Variants in PITPNC1 observed in about 807,000 individuals in gnomAD.
PITPNC1 encodes the protein cytoplasmic phosphatidylinositol transfer protein 1.
In PITPNC1, 18 loss-of-function variants were observed where a neutral mutation model predicts 44.7. The observed-to-expected ratio is 0.40, with a 90% CI of 0.28 to 0.60. The LOEUF (loss-of-function observed/expected upper bound fraction) is 0.60. Ranked by LOEUF, PITPNC1 falls within the 20% of genes least tolerant of loss-of-function variation. PITPNC1 has a pLI of 0.39. For synonymous variants in PITPNC1, 141 were observed against 149.6 expected, an observed-to-expected ratio of 0.94 and a Z score of 0.42; for missense variants, 290 against 418.4, an observed-to-expected ratio of 0.69 and a Z score of 2.68.
At chr17:67,484,691 A>T (rs1255051920) in intron 1 of PITPNC1, among the ~76,000 whole-genome samples, 3 of 152,188 alleles carry the variant, frequency 2.0e-5, no homozygotes, top group Non-Finnish European at 2.9e-5. Flanking sequence ...TAATCTCAGC[A>T]CTTTGGGAGG....
chr17:67,652,793 C>G (rs577932210), intron 6 of PITPNC1, among the ~76,000 whole-genome samples: 1 of 152,152 alleles, frequency 6.6e-6, no homozygotes, highest in Non-Finnish European at 1.5e-5. Flanking sequence ...AGAGTGACCG[C>G]GGAACCTAGA....
At chr17:67,462,991 C>T (rs183371257) in intron 1 of PITPNC1, among the ~76,000 whole-genome samples, 2 of 152,186 alleles carry the variant, frequency 1.3e-5, no homozygotes, top group African/African-American at 2.4e-5. Context: ...CGTGAGCCGC[C>T]GCCCCCGGCA....
chr17:67,672,293 G>C (rs765326566), intron 7 of PITPNC1, among the ~76,000 whole-genome samples: 11 of 151,944 alleles, frequency 7.2e-5, no homozygotes, highest in Non-Finnish European at 1.5e-4. Flanking sequence ...CAGTTAAAAA[G>C]AGAATAATAC....
At chr17:67,502,025 T>C (rs1019249709) in intron 1 of PITPNC1, among the ~76,000 whole-genome samples, 2 of 152,210 alleles carry the variant, frequency 1.3e-5, no homozygotes, top group Non-Finnish European at 2.9e-5. Flanking sequence ...GCAGAAAGTC[T>C]TAAGACAACT....
chr17:67,659,063 A>G (rs1345495702), intron 6 of PITPNC1, among the ~76,000 whole-genome samples: 1 of 152,130 alleles, frequency 6.6e-6, no homozygotes, highest in Non-Finnish European at 1.5e-5. Context: ...CCTTGTTTTC[A>G]GCTTTCAGGC....
chr17:67,394,269 TC>T (rs1165726391), intron 1 of PITPNC1, among the ~76,000 whole-genome samples: 1 of 152,112 alleles, frequency 6.6e-6, no homozygotes, highest in Non-Finnish European at 1.5e-5. Context: ...GCTCAAGTGA[TC>T]CTCCCGCCTT....
chr17:67,672,154 G>A (rs1042777824), intron 7 of PITPNC1, among the ~76,000 whole-genome samples: 86 of 151,864 alleles, frequency 5.7e-4, no homozygotes, highest in African/African-American at 1.9e-3. Context: ...GGCCAGTCTC[G>A]AACTCCTAAC....
At chr17:67,536,334 G>A (rs141173271) in intron 2 of PITPNC1, among the ~76,000 whole-genome samples, 145 of 152,168 alleles carry the variant, frequency 9.5e-4, no homozygotes, top group African/African-American at 3.3e-3. Context: ...GTGCAATCTC[G>A]TGCCTTAGCC....
intron 2 of PITPNC1, among the ~76,000 whole-genome samples, chr17:67,541,311 A>C (rs1363043509): frequency 6.6e-6 from 1 of 152,228 alleles, no homozygotes; most frequent in Non-Finnish European, 1.5e-5. Flanking sequence ...ATTTTCTATC[A>C]AGATGAAATT....
intron 4 of PITPNC1, among the ~76,000 whole-genome samples, chr17:67,573,534 G>T (rs1198755102): frequency 6.7e-6 from 1 of 150,300 alleles, no homozygotes; most frequent in Non-Finnish European, 1.5e-5. Flanking sequence ...AGTAGAGACA[G>T]GAAGCACTGA....
At chr17:67,386,204 A>G (rs1810896370) in intron 1 of PITPNC1, among the ~76,000 whole-genome samples, 1 of 152,172 alleles carries the variant, frequency 6.6e-6, no homozygotes, top group African/African-American at 2.4e-5. Flanking sequence ...TACTTTATTT[A>G]TTTTGAGACG....
rs1272988970 is a variant in PITPNC1 at position 67,631,671 on chromosome 17, T to TATATATAAA, written c.367-471_367-470insTATATAAAA. On this transcript the variant is annotated intron_variant, in intron 5 of 8. Transcript: ENST00000581322. ...AAAAAAAAAAAAATATATATATATATAAAATATATATTTTTAACATATATA... is the reference window on the plus strand; with the variant it reads ...AAAAAAAAAAAAATATATATATATATATATATAAAAAAATATATATTTTTAACATATATA... Among the ~76,000 whole-genome samples the TATATATAAA allele has an allele frequency of 4.6e-4, 32 of 69,662 alleles. No individual in the cohort carries two copies. In the East Asian group the frequency reaches 8.3e-3, roughly 18 times the overall value. 45.7% of individuals were successfully genotyped at this position (69,662 alleles called of 152,430 possible). A position where few individuals can be genotyped will look rare whatever the true frequency, so the allele number is the denominator to read the frequency against.
chr17:67,406,502 A>G (rs1328769589), intron 1 of PITPNC1, among the ~76,000 whole-genome samples: 4 of 152,240 alleles, frequency 2.6e-5, no homozygotes, highest in South Asian at 2.1e-4. Context: ...TTTGCTTAGC[A>G]TAATGTTTAA....
rs532449251 is a variant in PITPNC1 at position 67,401,846 on chromosome 17, GA to G, written c.48+23656del. 2.1e-3 allele frequency among the ~76,000 whole-genome samples: 306 copies of G among 144,720 alleles called. 5 individuals are homozygous for G. In the South Asian group the frequency reaches 0.03, roughly 14 times the overall value. The allele number at this position is 144,720 out of a possible 152,430, so 94.9% of individuals were successfully genotyped here. ...AGACAGAGTGAGACTCTACCTCAAA[GA>G]AAAAAAAAAAAGAAAAGAAAAGAAA... On this transcript the variant is annotated intron_variant, in intron 1 of 8. Coordinates refer to ENST00000581322, the MANE Select transcript of PITPNC1 (RefSeq NM_012417.4).
rs545272209 is a variant in PITPNC1, at chr17:67,523,376, A to G, written c.49-9426A>G. 4.6e-5 allele frequency among the ~76,000 whole-genome samples: 7 copies of G among 152,382 alleles called. 1 individual carries two copies. The East Asian group carries it at 1.2e-3, about 25-fold the overall frequency. ...CTGGAACCCGCAGCATAACAGGGAT[A>G]TGAATGAAACAGATCTGCAAGTCAC... On this transcript the variant is annotated intron_variant, in intron 1 of 8. Transcript: ENST00000581322.
intron 1 of PITPNC1, among the ~76,000 whole-genome samples, chr17:67,429,020 T>A (rs928766977): frequency 1.3e-5 from 2 of 151,760 alleles, no homozygotes; most frequent in Non-Finnish European, 2.9e-5. Context: ...TTTGTATTTT[T>A]AGTAGAGACG....
At chr17:67,427,906 T>G (rs1157019527) in intron 1 of PITPNC1, among the ~76,000 whole-genome samples, 3 of 152,230 alleles carry the variant, frequency 2.0e-5, no homozygotes. Context: ...GTGTCTGAAA[T>G]GATAATAGTT....
chr17:67,515,792 A>G (rs776560215), intron 1 of PITPNC1, among the ~76,000 whole-genome samples: 10 of 152,244 alleles, frequency 6.6e-5, no homozygotes, highest in Non-Finnish European at 8.8e-5. Context: ...AGGGCTTGGA[A>G]TCACATTTGG....
chr17:67,530,160 C>G (rs2040442689), intron 1 of PITPNC1, among the ~76,000 whole-genome samples: 1 of 132,818 alleles, frequency 7.5e-6, no homozygotes, highest in Non-Finnish European at 1.5e-5. Context: ...GGTGTGATCT[C>G]TGCTCACTGC....
Sources: gnomAD v4.1 joint callset for allele counts (sites outside exome capture counted in the v4.1 genomes callset) on GRCh38, gnomAD v4.1.1 for gene constraint, MANE v1.5 for transcripts, NCBI Gene and HGNC (gene_info 2026-07-23, HGNC 2026-07-21) for gene names.